The following RAB6B variants were observed in gnomAD, a reference collection of about 807,000 sequenced individuals.
The protein encoded by RAB6B is RAB6B, member RAS oncogene family, also known as ras-related protein Rab-6B.
RAB6B carries 7 observed loss-of-function variants against 31.2 expected under a neutral mutation model. That is an observed-to-expected ratio of 0.22 (90% CI 0.13 to 0.42). The LOEUF (loss-of-function observed/expected upper bound fraction) is 0.42, where lower values mean the gene tolerates loss of function less well. Ranked by LOEUF, RAB6B falls within the 10% of genes least tolerant of loss-of-function variation. The pLI is 1.00. For synonymous variants in RAB6B, 105 were observed against 104.9 expected (o/e 1.00, Z -0.01); for missense variants, 149 against 280.6 (o/e 0.53, Z 3.35).
chr3:133,879,052 G>C (rs1936432759), intron 1 of RAB6B, among the ~76,000 whole-genome samples: 1 of 152,104 alleles, frequency 6.6e-6, no homozygotes, highest in South Asian at 2.1e-4. Flanking sequence ...GTGTGATCTT[G>C]GGTTAGTTCC....
rs538024524 is a variant in RAB6B, at chr3:133,829,665, T to G, written c.563-813A>C. Among the ~76,000 whole-genome samples, 20 of 152,340 alleles carry G rather than the reference T, an allele frequency of 1.3e-4. No individual in the cohort carries two copies. The East Asian group carries it at 3.9e-3, about 29-fold the overall frequency. On this transcript the variant is annotated intron_variant, in intron 7 of 7. Coordinates refer to ENST00000285208, the MANE Select transcript of RAB6B (RefSeq NM_016577.4). Reference sequence around the variant, plus strand: ...TGTGGTGGTATAAGAAACACTGTTTTGGAACTTCTTGCTGGCATCCTAAGG... The same window carrying G: ...TGTGGTGGTATAAGAAACACTGTTTGGGAACTTCTTGCTGGCATCCTAAGG...
chr3:133,828,808 C>G lies in RAB6B; in HGVS notation c.607G>C (p.Glu203Gln), dbSNP rs373337169. 1.1e-5 allele frequency: 18 copies of G among 1,612,986 alleles called. No individual in the cohort carries two copies. In the African/African-American group the frequency reaches 1.3e-4, roughly 12 times the overall value. Residue 203 changes from glutamate (E) to glutamine (Q), a missense_variant, in exon 8 of 8, where the codon GAG becomes CAG. Around this residue, in one of 2 missense-constraint regions of RAB6B, gnomAD observed 74 missense variants for 100.5 expected, o/e 0.74. Transcript: ENST00000285208. ...LDKPQEPPAS[E>Q]GGCSC ...CTGCATTAGCAGGAGCAGCCGCCCT[C>G]GCTGGCCGGGGGCTCCTGGGGTTTG...
chr3:133,888,985 G>A (rs908309380), intron 1 of RAB6B, among the ~76,000 whole-genome samples: 5 of 152,072 alleles, frequency 3.3e-5, no homozygotes, highest in South Asian at 4.2e-4. Flanking sequence ...GAGCTCCCTC[G>A]GCTTCTCTTC....
At chr3:133,835,092 C>T (rs964209119) in intron 6 of RAB6B, among the ~76,000 whole-genome samples, 5 of 152,194 alleles carry the variant, frequency 3.3e-5, no homozygotes, top group African/African-American at 7.2e-5. Flanking sequence ...CCTGCAGGTC[C>T]GGCGCCAAGG....
intron 1 of RAB6B, among the ~76,000 whole-genome samples, chr3:133,872,939 G>C (rs1936345987): frequency 6.6e-6 from 1 of 152,162 alleles, no homozygotes; most frequent in Non-Finnish European, 1.5e-5. Flanking sequence ...GAGGGAGGGA[G>C]GGGTTAGCCA....
intron 2 of RAB6B, among the ~76,000 whole-genome samples, chr3:133,856,770 C>T (rs9289457): frequency 0.61 from 92,883 of 151,934 alleles, 29,110 homozygotes; most frequent in Non-Finnish European, 0.65. Flanking sequence ...GGAGTATCTT[C>T]TGCCGGGTCA....
chr3:133,828,507 A>C lies in RAB6B; in HGVS notation c.*281T>G. 1 of 478,424 alleles carries C rather than the reference A, an allele frequency of 2.1e-6. No homozygotes were observed. Among genetic ancestry groups the C allele is most frequent in the Non-Finnish European group, 3.7e-6 (1 of 271,806 alleles). 29.6% of individuals were successfully genotyped at this position (478,424 alleles called of 1,614,324 possible). A position where few individuals can be genotyped will look rare whatever the true frequency, so the allele number is the denominator to read the frequency against. On this transcript the variant is annotated 3_prime_UTR_variant, in exon 8 of 8. Coordinates refer to ENST00000285208, the MANE Select transcript of RAB6B (RefSeq NM_016577.4). ...TCTGGCAAAAAATTGTATACACATG[A>C]TTTAAATTTTTTTTAAATTTTAACA...
intron 2 of RAB6B, among the ~76,000 whole-genome samples, chr3:133,857,223 G>A (rs1007798446): frequency 2.6e-5 from 4 of 152,206 alleles, no homozygotes; most frequent in Admixed American, 1.3e-4. Flanking sequence ...ACCTATATGA[G>A]CCATAGTTCA....
intron 7 of RAB6B, among the ~76,000 whole-genome samples, 199 bp downstream of exon 7, chr3:133,834,376 G>A (rs1345847071): frequency 6.6e-6 from 1 of 152,200 alleles, no homozygotes; most frequent in Non-Finnish European, 1.5e-5. Context: ...GGAAGAAGAA[G>A]TAGATGGTTA....
rs1935897426 is a variant in RAB6B, at chr3:133,845,516, C to T, written c.130-3853G>A. On this transcript the variant is annotated intron_variant, in intron 2 of 7. Coordinates refer to ENST00000285208, the MANE Select transcript of RAB6B (RefSeq NM_016577.4). ...AAATCCCAGACTCCTGAACTGTGAG[C>T]AATAAATGTCAATTGCTTATACGTT... Among the ~76,000 whole-genome samples, 4 of 152,336 alleles carry T rather than the reference C, an allele frequency of 2.6e-5. No homozygotes were observed. In the South Asian group the frequency reaches 8.3e-4, roughly 32 times the overall value.
chr3:133,879,539 T>C (rs749922266), intron 1 of RAB6B, among the ~76,000 whole-genome samples: 2 of 152,192 alleles, frequency 1.3e-5, no homozygotes, highest in African/African-American at 4.8e-5. Flanking sequence ...CAGAGATGCA[T>C]GCAAGTACAC....
chr3:133,833,312 C>T (rs1303592487), intron 7 of RAB6B, among the ~76,000 whole-genome samples: 3 of 152,182 alleles, frequency 2.0e-5, no homozygotes. Context: ...ATTGGAGTCT[C>T]ATAACTGACC....
rs970929402 is a variant in RAB6B, at chr3:133,826,020, G to A, written c.*2768C>T. 13 of 152,234 alleles carry A rather than the reference G, an allele frequency of 8.5e-5. No individual in the cohort carries two copies. Among genetic ancestry groups the A allele is most frequent in the Middle Eastern group, 3.2e-3 (1 of 314 alleles). The allele number at this position is 152,234 out of a possible 1,614,324, so 9.4% of individuals were successfully genotyped here. ...TGTGCCAATTCTACCTGCAAGCAAG[G>A]GGACAGGGATGGTGCCTGCTCAAGA... is the stretch of plus-strand genomic sequence containing the variant. On this transcript the variant is annotated 3_prime_UTR_variant, in exon 8 of 8. Coordinates refer to ENST00000285208, the MANE Select transcript of RAB6B (RefSeq NM_016577.4).
intron 2 of RAB6B, among the ~76,000 whole-genome samples, chr3:133,861,046 T>A (rs1186749191): frequency 6.6e-6 from 1 of 152,206 alleles, no homozygotes; most frequent in Non-Finnish European, 1.5e-5. Flanking sequence ...CAGCAGCACC[T>A]GCAGAGGCTG....
intron 1 of RAB6B, among the ~76,000 whole-genome samples, chr3:133,878,384 T>A (rs956636981): frequency 6.6e-6 from 1 of 152,172 alleles, no homozygotes; most frequent in Non-Finnish European, 1.5e-5. Context: ...TGGTGCAATA[T>A]CTATAAAGTA....
chr3:133,862,825 C>T (rs1231312924), intron 2 of RAB6B, among the ~76,000 whole-genome samples: 2 of 152,190 alleles, frequency 1.3e-5, no homozygotes, highest in Non-Finnish European at 2.9e-5. Context: ...CACCCCCTTG[C>T]CACTGCCAAG....
rs151272922 is a variant in RAB6B at position 133,841,221 on chromosome 3, G to C, written c.289+64C>G. On this transcript the variant is annotated intron_variant, in intron 4 of 7. Transcript: ENST00000285208. Reference sequence around the variant, plus strand: ...ACACACATGCACACAGGCCTGGCCAGGGTCACACCTGGGCCCTGGACCCCC... The same window carrying C: ...ACACACATGCACACAGGCCTGGCCACGGTCACACCTGGGCCCTGGACCCCC... 18 of 1,501,098 alleles carry C rather than the reference G, an allele frequency of 1.2e-5. No individual in the cohort carries two copies. In the East Asian group the frequency reaches 3.9e-4, roughly 32 times the overall value. The allele number at this position is 1,501,098 out of a possible 1,614,324, so 93.0% of individuals were successfully genotyped here. A position where few individuals can be genotyped will look rare whatever the true frequency, so the allele number is the denominator to read the frequency against.
intron 7 of RAB6B, among the ~76,000 whole-genome samples, chr3:133,833,996 C>T (rs573377595): frequency 6.6e-6 from 1 of 152,188 alleles, no homozygotes; most frequent in African/African-American, 2.4e-5. Flanking sequence ...TGACACTGGG[C>T]AAACCAGACT....
At chr3:133,870,511 G>A (rs1461037962) in intron 1 of RAB6B, among the ~76,000 whole-genome samples, 1 of 152,164 alleles carries the variant, frequency 6.6e-6, no homozygotes, top group Non-Finnish European at 1.5e-5. Flanking sequence ...GAATGGGGAG[G>A]AGAGCAGGGT....
Sources: gnomAD v4.1 joint callset for allele counts (sites outside exome capture counted in the v4.1 genomes callset) on GRCh38, gnomAD v4.1.1 for gene constraint, gnomAD v4.1.1 regional missense constraint, MANE v1.5 for transcripts, NCBI Gene and HGNC (gene_info 2026-07-23, HGNC 2026-07-21) for gene names.